UBA6: variants seen among roughly 807,000 people sequenced by gnomAD.
UBA6 encodes the protein ubiquitin like modifier activating enzyme 6.
Under a neutral mutation model 148.3 loss-of-function variants are expected in UBA6, and 87 were observed. That is an observed-to-expected ratio of 0.59 (90% CI 0.49 to 0.70). The LOEUF (loss-of-function observed/expected upper bound fraction) is 0.70, where lower values mean the gene tolerates loss of function less well. Ranked by LOEUF, UBA6 falls within the 30% of genes least tolerant of loss-of-function variation. UBA6 has a pLI of 0.00. For missense variants in UBA6, 1,186 were observed against 1,241.2 expected, an observed-to-expected ratio of 0.96 and a Z score of 0.67; for synonymous variants, 376 against 401.0, an observed-to-expected ratio of 0.94 and a Z score of 0.75.
chr4:67,653,227 T>C (rs1040485427), intron 13 of UBA6, among the ~76,000 whole-genome samples: 19 of 152,152 alleles, frequency 1.2e-4, no homozygotes, highest in African/African-American at 4.6e-4. Context: ...GCCTCCTCAA[T>C]TGGGTCCCTG....
At position 67,614,764 on chromosome 4, in the gene UBA6, G is replaced by A. The variant is rs901977364; in HGVS notation, c.*4233C>T. The A allele has an allele frequency of 1.1e-4, 17 of 152,202 alleles. No homozygotes were observed. In the East Asian group the frequency reaches 2.9e-3, roughly 26 times the overall value. The allele number at this position is 152,202 out of a possible 1,614,324, so 9.4% of individuals were successfully genotyped here. ...TTTATCAAAGAACATCATAAGGGAG[G>A]GAAAGGCAAGCCACAAATTGGGAGA... On this transcript the variant is annotated 3_prime_UTR_variant, in exon 33 of 33. Transcript: ENST00000322244.
rs755062825 is a variant in UBA6 at position 67,633,429 on chromosome 4, T to C, written c.2058A>G (p.Ile686Met). The C allele has an allele frequency of 3.8e-5, 62 of 1,610,686 alleles. No individual in the cohort carries two copies. The highest frequency in any genetic ancestry group is 5.1e-5 in the Non-Finnish European group (60 of 1,179,232). The change falls in exon 23 of 33, where the codon ATA (isoleucine) becomes ATG (methionine). Residue 686 changes from isoleucine (I) to methionine (M), a missense_variant. Physicochemically the swap from Ile to Met is conservative, Grantham distance 10. Transcript: ENST00000322244. ...TTCTAGGTCTTCTGCTAAGTAACTT[T>C]ATAACTTGAAAACAGCCTTCTAAAC... ...GHSLEGCFQV[I>M]KLLSRRPRNW...
chr4:67,631,615 G>A (rs4146407), intron 25 of UBA6, 93 bp downstream of exon 25: 202,894 of 939,934 alleles, frequency 0.22, 23,237 homozygotes, highest in Non-Finnish European at 0.24. Flanking sequence ...ACATTAAAGA[G>A]CCTAAGGTTT....
intron 27 of UBA6, among the ~76,000 whole-genome samples, chr4:67,628,363 G>A (rs959287592): frequency 3.3e-5 from 5 of 151,654 alleles, no homozygotes; most frequent in Admixed American, 6.6e-5. Context: ...TCTTCTAGAC[G>A]AGTCCTGACC....
intron 13 of UBA6, among the ~76,000 whole-genome samples, chr4:67,652,499 T>C (rs1729575732): frequency 6.6e-6 from 1 of 152,160 alleles, no homozygotes; most frequent in Non-Finnish European, 1.5e-5. Context: ...TACAAAACGG[T>C]ACAGCTACTT....
At chr4:67,653,520 C>T (rs1165356658) in intron 13 of UBA6, among the ~76,000 whole-genome samples, 1 of 152,152 alleles carries the variant, frequency 6.6e-6, no homozygotes, top group Non-Finnish European at 1.5e-5. Flanking sequence ...CACCAAAACG[C>T]CATCTGTAGG....
At chr4:67,652,012 AAT>A (rs1729564345) in intron 13 of UBA6, among the ~76,000 whole-genome samples, 1 of 152,162 alleles carries the variant, frequency 6.6e-6, no homozygotes, top group African/African-American at 2.4e-5. Context: ...TGTCTTTATC[AAT>A]ACTTTGCACC....
chr4:67,624,917 C>T (rs1353803029), intron 29 of UBA6, 77 bp downstream of exon 29: 2 of 1,188,140 alleles, frequency 1.7e-6, no homozygotes, highest in Non-Finnish European at 2.4e-6. Flanking sequence ...CTCTGAGTGA[C>T]TGGGTTGGTA....
chr4:67,673,712 C>A lies in UBA6; in HGVS notation c.531G>T (p.Gln177His). 6.2e-7 allele frequency: 1 copy of A among 1,610,572 alleles called. No homozygotes were observed. Among genetic ancestry groups the A allele is most frequent in the South Asian group, 1.1e-5 (1 of 90,782 alleles). ...ATACAATTACCTTAATTGGAGGGCA[C>A]TGAGAACGGCAAAAGTCATTGATCT... is the stretch of plus-strand genomic sequence containing the variant. ...QKKINDFCRS[Q>H]CPPIKFISAD... The change falls in exon 7 of 33, where the codon CAG becomes CAT. Residue 177 changes from glutamine (Q) to histidine (H), a missense_variant. Transcript: ENST00000322244.
intron 16 of UBA6, among the ~76,000 whole-genome samples, chr4:67,645,168 A>G (rs1729393933): frequency 6.6e-6 from 1 of 152,232 alleles, no homozygotes. Context: ...TGATTTTCAA[A>G]ACATTATTTT....
intron 23 of UBA6, among the ~76,000 whole-genome samples, chr4:67,632,192 C>G (rs544412253): frequency 2.0e-5 from 3 of 152,148 alleles, no homozygotes; most frequent in Non-Finnish European, 4.4e-5. Flanking sequence ...GATTACTTCA[C>G]TCCTTTTTAT....
chr4:67,627,507 G>A (rs1024428060), intron 27 of UBA6, among the ~76,000 whole-genome samples: 4 of 151,812 alleles, frequency 2.6e-5, no homozygotes, highest in Non-Finnish European at 5.9e-5. Context: ...GAGCAATAAC[G>A]GAAAGTAAAG....
intron 4 of UBA6, 143 bp downstream of exon 4, chr4:67,681,420 T>C (rs1019370421): frequency 3.5e-5 from 19 of 545,198 alleles, no homozygotes; most frequent in Non-Finnish European, 5.4e-5. Flanking sequence ...TTTCTTTGTA[T>C]ATTTTTTAAA....
chr4:67,685,651 G>A (rs1577838251), intron 2 of UBA6, among the ~76,000 whole-genome samples: 2 of 152,300 alleles, frequency 1.3e-5, no homozygotes, highest in South Asian at 4.1e-4. Context: ...CTAATGGGAG[G>A]TGTTGCCTAG....
intron 4 of UBA6, 48 bp downstream of exon 4, chr4:67,681,515 A>C: frequency 7.8e-6 from 9 of 1,147,670 alleles, no homozygotes; most frequent in South Asian, 3.1e-5. Context: ...CAAATGAGCC[A>C]AAAAAAAAGG....
Position 67,619,088 on chromosome 4 carries a change from T to C in UBA6, c.3068A>G (p.Asp1023Gly), listed in dbSNP as rs1470161685. 3 of 1,611,684 alleles carry C rather than the reference T, an allele frequency of 1.9e-6. No homozygotes were observed. The East Asian group carries it at 6.7e-5, about 36-fold the overall frequency. Residue 1023 changes from aspartate to glycine, a missense_variant, in exon 33 of 33, where the codon GAT becomes GGT. Physicochemically the swap from Asp to Gly is moderately conservative, Grantham distance 94. Coordinates refer to ENST00000322244, the MANE Select transcript of UBA6 (RefSeq NM_018227.6). ...VKPTTEKKYV[D>G]LTVSFAPDID... ...GTCTGGAGCAAATGACACAGTAAGATCCACATATTTCTTTTCAGTAGTAGG... is the reference window on the plus strand; with the variant it reads ...GTCTGGAGCAAATGACACAGTAAGACCCACATATTTCTTTTCAGTAGTAGG...
chr4:67,627,692 C>CTT (rs879365628), intron 27 of UBA6, among the ~76,000 whole-genome samples: 1 of 143,066 alleles, frequency 7.0e-6, no homozygotes, highest in Non-Finnish European at 1.5e-5. Flanking sequence ...CCCTACAAGT[C>CTT]TTTTTTTTTT....
At chr4:67,631,256 G>A (rs575121923) in intron 25 of UBA6, among the ~76,000 whole-genome samples, 1 of 152,136 alleles carries the variant, frequency 6.6e-6, no homozygotes, top group African/African-American at 2.4e-5. Flanking sequence ...ACACAAGTGT[G>A]AATCTAATGT....
In UBA6 at chr4:67,680,427, G is replaced by A. The variant is rs538482590; in HGVS notation, c.258+1136C>T. On this transcript the variant is annotated intron_variant, in intron 4 of 32. Coordinates refer to ENST00000322244, the MANE Select transcript of UBA6 (RefSeq NM_018227.6). ...CCAGTTTACAGGAAATACACATGTA[G>A]AAATACCTGTGACAAATGACTAGTT... 2.2e-4 allele frequency among the ~76,000 whole-genome samples: 33 copies of A among 152,246 alleles called. No individual in the cohort carries two copies. The East Asian group carries it at 5.6e-3, about 26-fold the overall frequency.
Sources: gnomAD v4.1 joint callset for allele counts (sites outside exome capture counted in the v4.1 genomes callset) on GRCh38, gnomAD v4.1.1 for gene constraint, MANE v1.5 for transcripts, NCBI Gene and HGNC (gene_info 2026-07-23, HGNC 2026-07-21) for gene names.